Variants in ZC3H12B observed in about 807,000 individuals in gnomAD.
ZC3H12B encodes the protein probable ribonuclease ZC3H12B.
A neutral mutation model predicts 43.9 loss-of-function variants in ZC3H12B; 7 were observed. That is an observed-to-expected ratio of 0.16 (90% CI 0.09 to 0.30). The LOEUF is 0.30. Among genes scored for constraint, ZC3H12B ranks in the 10% least tolerant of loss-of-function variants. ZC3H12B has a pLI of 1.00. For synonymous variants in ZC3H12B, 222 were observed against 241.7 expected (o/e 0.92, Z 0.76); for missense variants, 475 against 670.2 (o/e 0.71, Z 3.22).
At chrX:65,340,278 G>T in the ZC3H12B span, among the ~76,000 whole-genome samples, 1 of 112,172 alleles carries the variant, frequency 8.9e-6, no homozygotes, top group African/African-American at 3.2e-5. Flanking sequence ...GAGCCATGCT[G>T]CCTCCACTAC....
At chrX:65,078,153 G>A in the ZC3H12B span, among the ~76,000 whole-genome samples, 12 of 112,228 alleles carry the variant, frequency 1.1e-4, 1 homozygote, top group South Asian at 2.6e-3. Context: ...AATGGAGGAA[G>A]ACCAGGTTTG....
At chrX:65,180,547 A>G in the ZC3H12B span, among the ~76,000 whole-genome samples, 1 of 111,791 alleles carries the variant, frequency 8.9e-6, no homozygotes, top group Admixed American at 9.6e-5. Flanking sequence ...CCTTAAGCTG[A>G]TAAGAAACTT....
chrX:65,333,491 A>G, the ZC3H12B span, among the ~76,000 whole-genome samples: 1 of 112,141 alleles, frequency 8.9e-6, no homozygotes, highest in Non-Finnish European at 1.9e-5. Flanking sequence ...AGCTCTCCAA[A>G]AAAAGTTTTC....
chrX:65,472,540 A>C (rs2067931296), intron 3 of ZC3H12B, among the ~76,000 whole-genome samples: 1 of 108,939 alleles, frequency 9.2e-6, no homozygotes, highest in African/African-American at 3.3e-5. Flanking sequence ...TTCTTCTATA[A>C]ATTCAGCAGT....
At chrX:65,259,684 G>A in the ZC3H12B span, among the ~76,000 whole-genome samples, 1 of 111,854 alleles carries the variant, frequency 8.9e-6, no homozygotes, top group African/African-American at 3.2e-5. Flanking sequence ...AGAACTAAAA[G>A]TAGATCTACT....
chrX:65,316,119 T>TA, the ZC3H12B span, among the ~76,000 whole-genome samples: 1 of 109,198 alleles, frequency 9.2e-6, no homozygotes, highest in Admixed American at 9.8e-5. Flanking sequence ...CAGACAAAAA[T>TA]AAAAAAAGGA....
intron 2 of ZC3H12B, among the ~76,000 whole-genome samples, chrX:65,385,630 C>T (rs1180758575): frequency 9.0e-6 from 1 of 111,584 alleles, no homozygotes; most frequent in Non-Finnish European, 1.9e-5. Context: ...TAATTGAATA[C>T]CCTTTTTTTT....
intron 2 of ZC3H12B, among the ~76,000 whole-genome samples, chrX:65,389,696 T>G (rs749368657): frequency 8.9e-6 from 1 of 112,531 alleles, no homozygotes; most frequent in South Asian, 3.7e-4. Flanking sequence ...CAATTGGAAA[T>G]GCAGAAATCA....
chrX:65,425,949 G>T (rs1014315762), intron 3 of ZC3H12B, among the ~76,000 whole-genome samples: 2 of 111,007 alleles, frequency 1.8e-5, no homozygotes, highest in East Asian at 2.8e-4. Context: ...TGCCAAGTTT[G>T]GTATCAGGAT....
the ZC3H12B span, among the ~76,000 whole-genome samples, chrX:65,122,742 G>C: frequency 9.0e-6 from 1 of 111,210 alleles, no homozygotes; most frequent in African/African-American, 3.3e-5. Context: ...ATCCTAGTCT[G>C]TGATAAAACA....
At chrX:65,396,997 C>A (rs189746428) in intron 2 of ZC3H12B, among the ~76,000 whole-genome samples, 3 of 111,485 alleles carry the variant, frequency 2.7e-5, no homozygotes, top group African/African-American at 6.5e-5. Context: ...GGTTTAAAGT[C>A]TGCTTTATCA....
the ZC3H12B span, among the ~76,000 whole-genome samples, chrX:65,087,356 G>A: frequency 8.9e-6 from 1 of 112,073 alleles, no homozygotes; most frequent in African/African-American, 3.2e-5. Context: ...AAGGTTAATT[G>A]AATTTAACTA....
At chrX:65,060,675 T>C in the ZC3H12B span, among the ~76,000 whole-genome samples, 1 of 111,999 alleles carries the variant, frequency 8.9e-6, no homozygotes, top group Non-Finnish European at 1.9e-5. Flanking sequence ...TTTTGATCTA[T>C]CTTTGTCTGT....
chrX:65,298,050 G>T, the ZC3H12B span, among the ~76,000 whole-genome samples: 4 of 112,019 alleles, frequency 3.6e-5, no homozygotes, highest in Non-Finnish European at 5.6e-5. Context: ...AAAAATTCTA[G>T]AAGATAATAT....
At chrX:65,354,554 C>T in the ZC3H12B span, among the ~76,000 whole-genome samples, 3 of 111,689 alleles carry the variant, frequency 2.7e-5, no homozygotes, top group South Asian at 7.7e-4. Context: ...TGCCTCTTCT[C>T]CCCCAAAGGA....
At chrX:65,344,936 C>A in the ZC3H12B span, among the ~76,000 whole-genome samples, 310 of 112,191 alleles carry the variant, frequency 2.8e-3, 3 homozygotes, top group African/African-American at 9.6e-3. Flanking sequence ...ATGAGGTCAA[C>A]AAGCATATGA....
chrX:65,267,412 A>C, the ZC3H12B span, among the ~76,000 whole-genome samples: 1 of 109,929 alleles, frequency 9.1e-6, no homozygotes, highest in Non-Finnish European at 1.9e-5. Context: ...CCTAAGTTCC[A>C]GGGTTACCAC....
intron 3 of ZC3H12B, among the ~76,000 whole-genome samples, chrX:65,463,418 C>A (rs1462133697): frequency 8.9e-6 from 1 of 111,835 alleles, no homozygotes; most frequent in Non-Finnish European, 1.9e-5. Flanking sequence ...TCTATGATTC[C>A]TTTTAAAAAA....
At chrX:65,076,582 TC>T in the ZC3H12B span, among the ~76,000 whole-genome samples, 10 of 111,646 alleles carry the variant, frequency 9.0e-5, no homozygotes, top group African/African-American at 2.9e-4. Flanking sequence ...TCTTTTTGTT[TC>T]TTTTTCATGC....
Sources: allele counts gnomAD v4.1 joint callset (sites outside exome capture counted in the v4.1 genomes callset), GRCh38; gene constraint gnomAD v4.1.1; transcripts MANE v1.5; gene names NCBI Gene and HGNC (gene_info 2026-07-23, HGNC 2026-07-21).